The following DEPTOR variants were observed in gnomAD, a reference collection of about 807,000 sequenced individuals.
DEPTOR encodes the protein DEP domain-containing mTOR-interacting protein.
Under a neutral mutation model 41.6 loss-of-function variants are expected in DEPTOR, and 41 were observed. The observed-to-expected ratio is 0.98, with a 90% CI of 0.77 to 1.28. The LOEUF is 1.28. Ranked by LOEUF, DEPTOR falls within the 50% of genes most tolerant of loss-of-function variation. The probability of loss-of-function intolerance (pLI) is 0.00; values close to 1 mark genes in which losing one functional copy is unlikely to be tolerated. For missense variants in DEPTOR, 514 were observed against 527.9 expected (o/e 0.97, Z 0.26); for synonymous variants, 195 against 192.3 (o/e 1.01, Z -0.12).
At chr8:119,900,129 G>T (rs1043204232) in intron 1 of DEPTOR, among the ~76,000 whole-genome samples, 30 of 151,878 alleles carry the variant, frequency 2.0e-4, no homozygotes, top group African/African-American at 7.0e-4. Context: ...GACCAGCCTG[G>T]CCAACATGGT....
intron 4 of DEPTOR, 113 bp from the exon 5 acceptor site, chr8:120,001,412 A>G: frequency 1.1e-6 from 1 of 886,848 alleles, no homozygotes; most frequent in African/African-American, 2.6e-5. Flanking sequence ...CATCTGTGGA[A>G]GAGAAGTCTT....
intron 1 of DEPTOR, among the ~76,000 whole-genome samples, chr8:119,878,268 G>C (rs576193478): frequency 6.6e-6 from 1 of 150,810 alleles, no homozygotes; most frequent in Admixed American, 6.6e-5. Flanking sequence ...GCTCACCTCA[G>C]CCTCCCAAAG....
At chr8:120,041,847 C>G (rs1186709354) in intron 8 of DEPTOR, among the ~76,000 whole-genome samples, 1 of 152,098 alleles carries the variant, frequency 6.6e-6, no homozygotes, top group Non-Finnish European at 1.5e-5. Flanking sequence ...GTTCTTAGAA[C>G]TTTCCTCCAG....
At chr8:120,043,531 G>C (rs1452384960) in intron 8 of DEPTOR, among the ~76,000 whole-genome samples, 2 of 152,162 alleles carry the variant, frequency 1.3e-5, no homozygotes, top group Non-Finnish European at 2.9e-5. Context: ...AACAGTTAAA[G>C]AGAAGAAACG....
chr8:119,906,947 A>G (rs1272252656), intron 1 of DEPTOR, among the ~76,000 whole-genome samples: 2 of 152,082 alleles, frequency 1.3e-5, no homozygotes, highest in South Asian at 2.1e-4. Flanking sequence ...AATAAAAGGG[A>G]TATTGTGACT....
At chr8:119,930,717 G>A (rs567814745) in intron 3 of DEPTOR, among the ~76,000 whole-genome samples, 1 of 152,248 alleles carries the variant, frequency 6.6e-6, no homozygotes, top group East Asian at 1.9e-4. Context: ...TAAGTATAGT[G>A]TAGCACAGGA....
chr8:119,936,530 A>G (rs577972232), intron 3 of DEPTOR, among the ~76,000 whole-genome samples: 4 of 152,336 alleles, frequency 2.6e-5, no homozygotes, highest in East Asian at 1.9e-4. Flanking sequence ...TCCAGCAGGC[A>G]TAATTATTCC....
chr8:119,944,934 G>A (rs1369819785), intron 3 of DEPTOR, among the ~76,000 whole-genome samples: 2 of 151,854 alleles, frequency 1.3e-5, no homozygotes, highest in African/African-American at 2.4e-5. Flanking sequence ...GATTACAGGC[G>A]TGAGCCACTG....
chr8:119,894,471 A>T (rs1426423885), intron 1 of DEPTOR, among the ~76,000 whole-genome samples: 3 of 151,128 alleles, frequency 2.0e-5, no homozygotes, highest in African/African-American at 7.3e-5. Flanking sequence ...ATCTTGGCTC[A>T]CTGCAAGCTC....
At chr8:120,039,155 T>A (rs1037258467) in intron 8 of DEPTOR, among the ~76,000 whole-genome samples, 1 of 152,164 alleles carries the variant, frequency 6.6e-6, no homozygotes, top group Non-Finnish European at 1.5e-5. Context: ...ATGGGATTAG[T>A]GCCCTTATGA....
At chr8:119,915,945 T>TAAAAAAAAAAAAAAAAA (rs201870960) in intron 1 of DEPTOR, among the ~76,000 whole-genome samples, 2 of 126,654 alleles carry the variant, frequency 1.6e-5, no homozygotes, top group Admixed American at 9.1e-5. Flanking sequence ...CTTCATTTGT[T>TAAAAAAAAAAAAAAAAA]AAAAAAAAAA....
intron 4 of DEPTOR, among the ~76,000 whole-genome samples, chr8:119,971,181 G>A (rs563958000): frequency 1.9e-4 from 28 of 147,370 alleles, no homozygotes; most frequent in Non-Finnish European, 4.1e-4. Flanking sequence ...TGTAGTGAGC[G>A]AAGATTGCGC....
At chr8:119,988,095 C>T (rs574611022) in intron 4 of DEPTOR, among the ~76,000 whole-genome samples, 394 of 152,302 alleles carry the variant, frequency 2.6e-3, no homozygotes, top group Non-Finnish European at 4.4e-3. Context: ...TAGCTCAGTG[C>T]CTGCCCAAAT....
intron 6 of DEPTOR, among the ~76,000 whole-genome samples, chr8:120,004,056 A>G (rs1018902571): frequency 4.6e-5 from 7 of 152,204 alleles, no homozygotes; most frequent in Non-Finnish European, 1.0e-4. Context: ...TTTCCTCATC[A>G]TCAGATCTTG....
chr8:119,923,893 C>CTTTTTTTT (rs769960283), intron 1 of DEPTOR, among the ~76,000 whole-genome samples: 1 of 104,996 alleles, frequency 9.5e-6, no homozygotes, highest in African/African-American at 3.0e-5. Flanking sequence ...TTTTTTCTTT[C>CTTTTTTTT]TTTTTTTTTT....
intron 1 of DEPTOR, among the ~76,000 whole-genome samples, chr8:119,914,036 T>C (rs1341304246): frequency 1.3e-5 from 2 of 150,302 alleles, no homozygotes; most frequent in African/African-American, 4.9e-5. Context: ...TTCTTTTCTT[T>C]TTTTTTTTTT....
intron 8 of DEPTOR, among the ~76,000 whole-genome samples, chr8:120,038,592 CAAAAAA>C (rs34679088): frequency 6.0e-4 from 65 of 108,522 alleles, no homozygotes; most frequent in Non-Finnish European, 1.0e-3. Context: ...GACCCTATCT[CAAAAAA>C]AAAAAAAAAA....
intron 6 of DEPTOR, among the ~76,000 whole-genome samples, chr8:120,003,704 G>A (rs1002074963): frequency 2.0e-5 from 3 of 152,148 alleles, no homozygotes; most frequent in African/African-American, 4.8e-5. Context: ...AATTGACCCT[G>A]GGTGTCTTGT....
At chr8:119,874,067 C>T in intron 1 of DEPTOR, 99 bp downstream of exon 1, 14 of 1,565,742 alleles carry the variant, frequency 8.9e-6, no homozygotes, top group Non-Finnish European at 1.2e-5. Context: ...TGGCTTGCGA[C>T]TCGCGTGGGG....
Sources: allele counts gnomAD v4.1 joint callset (sites outside exome capture counted in the v4.1 genomes callset), GRCh38; gene constraint gnomAD v4.1.1; transcripts MANE v1.5; gene names NCBI Gene and HGNC (gene_info 2026-07-23, HGNC 2026-07-21).